The following DGKG variants were observed in gnomAD, a reference collection of about 807,000 sequenced individuals.
The protein encoded by DGKG is DAG kinase gamma.
A neutral mutation model predicts 105.3 loss-of-function variants in DGKG; 78 were observed. The observed-to-expected ratio is 0.74, with a 90% CI of 0.62 to 0.89. The LOEUF (loss-of-function observed/expected upper bound fraction) is 0.89. DGKG is among the 40% of genes least tolerant of loss of function. DGKG has a pLI of 0.00. For missense variants in DGKG, 958 were observed against 1,020.1 expected (o/e 0.94, Z 0.83); for synonymous variants, 346 against 367.1 (o/e 0.94, Z 0.66).
chr3:186,292,139 C>T (rs1723338639), intron 5 of DGKG, among the ~76,000 whole-genome samples: 1 of 152,200 alleles, frequency 6.6e-6, no homozygotes, highest in Admixed American at 6.5e-5. Context: ...AGGTCCTGTC[C>T]TGGTGCCATG....
intron 20 of DGKG, among the ~76,000 whole-genome samples, chr3:186,229,095 G>C (rs1720000671): frequency 6.6e-6 from 1 of 152,168 alleles, no homozygotes; most frequent in Non-Finnish European, 1.5e-5. Context: ...TGTGATGATG[G>C]AGGCAAAGAT....
At chr3:186,324,648 C>T (rs566938269) in intron 1 of DGKG, among the ~76,000 whole-genome samples, 1 of 152,070 alleles carries the variant, frequency 6.6e-6, no homozygotes, top group Admixed American at 6.6e-5. Flanking sequence ...TCATCAGATA[C>T]ATGTACATCA....
rs539396964 is a variant in DGKG, at chr3:186,346,292, A to G, written c.-249+15654T>C. Among the ~76,000 whole-genome samples the G allele has an allele frequency of 2.8e-4, 42 of 152,010 alleles. No individual in the cohort carries two copies. The South Asian group carries it at 7.1e-3, about 26-fold the overall frequency. On this transcript the variant is annotated intron_variant, in intron 1 of 24. Coordinates refer to ENST00000265022, the MANE Select transcript of DGKG (RefSeq NM_001346.3). ...TATTTCATTCACATCTTTGAATACC[A>G]TTTTTCATTTTCATCTCAGCTTTAT...
At chr3:186,237,351 G>T (rs537097816) in intron 20 of DGKG, among the ~76,000 whole-genome samples, 1 of 152,042 alleles carries the variant, frequency 6.6e-6, no homozygotes, top group Non-Finnish European at 1.5e-5. Context: ...TTGAGGAAGG[G>T]GCCTCACATT....
At chr3:186,346,814 T>C (rs1726358644) in intron 1 of DGKG, among the ~76,000 whole-genome samples, 1 of 152,210 alleles carries the variant, frequency 6.6e-6, no homozygotes, top group Non-Finnish European at 1.5e-5. Context: ...TTCTTAAATG[T>C]AAAGTCCCAT....
At chr3:186,223,011 C>A (rs951626454) in intron 20 of DGKG, among the ~76,000 whole-genome samples, 20 of 80,524 alleles carry the variant, frequency 2.5e-4, no homozygotes, top group Middle Eastern at 5.5e-3. Context: ...TGTATGTATA[C>A]TATATATATA....
At chr3:186,152,745 C>T (rs1428542237) in intron 24 of DGKG, among the ~76,000 whole-genome samples, 1 of 152,122 alleles carries the variant, frequency 6.6e-6, no homozygotes, top group Non-Finnish European at 1.5e-5. Context: ...CTCACTGCAA[C>T]CTCCACCTCC....
chr3:186,345,897 T>G (rs910708359), intron 1 of DGKG, among the ~76,000 whole-genome samples: 36 of 152,160 alleles, frequency 2.4e-4, no homozygotes, highest in African/African-American at 7.5e-4. Context: ...GCCTCCTGAG[T>G]AGCTGGGATT....
In DGKG at chr3:186,283,880, C is replaced by A. The variant is rs1397882977; in HGVS notation, c.594+780G>T. ...TTTGTCTAGTGGACTTCTTCCCTTC[C>A]TTCCTTCCTCTGGTCTGACTCAGCC... is the stretch of plus-strand genomic sequence containing the variant. On this transcript the variant is annotated intron_variant, in intron 7 of 24. Transcript: ENST00000265022. Among the ~76,000 whole-genome samples the A allele has an allele frequency of 2.0e-5, 3 of 152,198 alleles. No individual in the cohort carries two copies. The East Asian group carries it at 5.8e-4, about 29-fold the overall frequency.
At chr3:186,258,053 C>A in intron 16 of DGKG, 114 bp from the exon 17 acceptor site, 2 of 777,032 alleles carry the variant, frequency 2.6e-6, no homozygotes, top group East Asian at 2.6e-5. Flanking sequence ...ACCTCGATTC[C>A]TTTTGTGGTT....
At chr3:186,206,410 A>AC (rs1718741522) in intron 21 of DGKG, among the ~76,000 whole-genome samples, 1 of 152,090 alleles carries the variant, frequency 6.6e-6, no homozygotes, top group Admixed American at 6.6e-5. Context: ...AAACAAAAAA[A>AC]CAAGGAATTT....
chr3:186,174,652 CTGTGTGTGTGTGTGTGTGTGTGTGTGTG>C (rs67342971), intron 22 of DGKG, among the ~76,000 whole-genome samples: 2 of 145,832 alleles, frequency 1.4e-5, no homozygotes, highest in Admixed American at 1.4e-4. Context: ...TTCCCTGCGG[CTGTGTGTGTGTGTGTGTGTGTGTGTGTG>C]TGTGTGTGTG....
intron 21 of DGKG, among the ~76,000 whole-genome samples, chr3:186,194,210 T>C (rs1210494176): frequency 6.6e-6 from 1 of 152,184 alleles, no homozygotes; most frequent in Non-Finnish European, 1.5e-5. Flanking sequence ...GAGACAAGGT[T>C]AGGAGGCAAA....
At chr3:186,179,417 T>C (rs923322973) in intron 22 of DGKG, among the ~76,000 whole-genome samples, 2 of 152,204 alleles carry the variant, frequency 1.3e-5, no homozygotes, top group African/African-American at 4.8e-5. Flanking sequence ...TTGGTCTGTG[T>C]GAGCCAAAAG....
chr3:186,266,472 T>C (rs1201071570), intron 13 of DGKG, among the ~76,000 whole-genome samples: 1 of 152,250 alleles, frequency 6.6e-6, no homozygotes, highest in Admixed American at 6.5e-5. Flanking sequence ...TGTCTTTTGG[T>C]GGAATAAATG....
At chr3:186,260,355 AAAAAAAGGTGAC>A (rs1476358805) in intron 16 of DGKG, 72 bp downstream of exon 16, 1 of 1,011,020 alleles carries the variant, frequency 9.9e-7, no homozygotes, top group Non-Finnish European at 1.5e-6. Flanking sequence ...AGACGAAAGA[AAAAAAAGGTGAC>A]AAAAGAGGCA....
At chr3:186,182,284 T>G (rs1717396653) in intron 22 of DGKG, among the ~76,000 whole-genome samples, 1 of 152,206 alleles carries the variant, frequency 6.6e-6, no homozygotes, top group Admixed American at 6.5e-5. Flanking sequence ...TTTGGCCCCT[T>G]TCTTATATTA....
intron 24 of DGKG, chr3:186,161,338 C>T: frequency 7.6e-7 from 1 of 1,319,498 alleles, no homozygotes; most frequent in Non-Finnish European, 9.7e-7. Context: ...AATTCACTGA[C>T]TAGAACTGTG....
chr3:186,180,507 A>G (rs2108494082), intron 22 of DGKG, among the ~76,000 whole-genome samples: 1 of 152,202 alleles, frequency 6.6e-6, no homozygotes, highest in East Asian at 1.9e-4. Context: ...CCCACAGGAG[A>G]GACCTGGGCC....
Sources: allele counts gnomAD v4.1 joint callset (sites outside exome capture counted in the v4.1 genomes callset), GRCh38; gene constraint gnomAD v4.1.1; transcripts MANE v1.5; gene names NCBI Gene and HGNC (gene_info 2026-07-23, HGNC 2026-07-21).